LMO7: variants seen among roughly 807,000 people sequenced by gnomAD.
LMO7 encodes the protein LIM domain 7, also known as LIM domain only protein 7.
In LMO7, 120 loss-of-function variants were observed where a neutral mutation model predicts 206.5. The ratio of observed to expected loss-of-function variants is 0.58; its 90% confidence interval spans 0.50 to 0.68. LMO7 has a LOEUF of 0.68. LMO7 is among the 30% of genes least tolerant of loss of function. The pLI, the probability that LMO7 is intolerant of heterozygous loss-of-function variation, is 0.00. For missense variants in LMO7, 1,959 were observed against 1,957.9 expected (o/e 1.00, Z -0.01); for synonymous variants, 706 against 681.5 (o/e 1.04, Z -0.56).
intron 25 of LMO7, among the ~76,000 whole-genome samples, chr13:75,844,925 A>T (rs907808806): frequency 3.3e-5 from 5 of 152,220 alleles, no homozygotes; most frequent in African/African-American, 1.2e-4. Context: ...AGAAGTTGAC[A>T]TGATAACCCT....
Position 75,826,700 on chromosome 13 carries a change from G to T in LMO7, c.2949+2827G>T, listed in dbSNP as rs189934818. On this transcript the variant is annotated intron_variant, in intron 15 of 30. Coordinates refer to ENST00000377534, the MANE Select transcript of LMO7 (RefSeq NM_001306080.2). ...CAACAATCCGAATGTGGACTATCAT[G>T]ATTATACCTGTTTTAGAAACATAAA... Among the ~76,000 whole-genome samples the T allele has an allele frequency of 1.0e-3, 159 of 152,228 alleles. 3 individuals carry two copies. The East Asian group carries it at 0.025, about 24-fold the overall frequency.
intron 4 of LMO7, among the ~76,000 whole-genome samples, chr13:75,778,066 G>T (rs2140235729): frequency 6.6e-6 from 1 of 152,274 alleles, no homozygotes; most frequent in South Asian, 2.1e-4. Flanking sequence ...ATGGTATTAT[G>T]AGGACATTTT....
intron 1 of LMO7, among the ~76,000 whole-genome samples, chr13:75,645,207 A>G (rs1369750445): frequency 6.6e-6 from 1 of 152,190 alleles, no homozygotes; most frequent in Non-Finnish European, 1.5e-5. Context: ...TCAAAAATAC[A>G]TGTCATGTTT....
intron 3 of LMO7, among the ~76,000 whole-genome samples, chr13:75,757,712 A>G (rs751105795): frequency 1.3e-5 from 2 of 152,010 alleles, no homozygotes; most frequent in Non-Finnish European, 2.9e-5. Context: ...TTTAATTTGT[A>G]GTGTCTCCCT....
At chr13:75,766,331 T>C (rs537598893) in intron 4 of LMO7, among the ~76,000 whole-genome samples, 1 of 151,720 alleles carries the variant, frequency 6.6e-6, no homozygotes, top group Non-Finnish European at 1.5e-5. Context: ...TGGCCTGATT[T>C]AAGTGATTAT....
At chr13:75,713,752 C>T (rs2043306603) in intron 2 of LMO7, among the ~76,000 whole-genome samples, 1 of 152,118 alleles carries the variant, frequency 6.6e-6, no homozygotes, top group Non-Finnish European at 1.5e-5. Context: ...TTAATAGACA[C>T]CATTGAGAAC....
intron 1 of LMO7, among the ~76,000 whole-genome samples, chr13:75,648,470 T>C (rs1486401105): frequency 6.6e-6 from 1 of 152,196 alleles, no homozygotes; most frequent in Non-Finnish European, 1.5e-5. Context: ...TTCATTCATC[T>C]TCCTCTGTTT....
chr13:75,669,381 G>A (rs764183397), intron 1 of LMO7, among the ~76,000 whole-genome samples: 23 of 152,068 alleles, frequency 1.5e-4, no homozygotes, highest in African/African-American at 5.3e-4. Flanking sequence ...CCCCCCCGCC[G>A]CCCCGCCAAA....
At chr13:75,703,256 A>G (rs1409867787) in intron 1 of LMO7, among the ~76,000 whole-genome samples, 1 of 152,170 alleles carries the variant, frequency 6.6e-6, no homozygotes, top group African/African-American at 2.4e-5. Flanking sequence ...TAGGAAGAAT[A>G]ATTTGATTTA....
intron 1 of LMO7, among the ~76,000 whole-genome samples, chr13:75,704,812 C>G (rs2042535465): frequency 6.6e-6 from 1 of 152,168 alleles, no homozygotes; most frequent in Non-Finnish European, 1.5e-5. Flanking sequence ...GGCAAGAAAT[C>G]TTATCCAGCA....
At chr13:75,732,676 G>A (rs1027257675) in intron 3 of LMO7, among the ~76,000 whole-genome samples, 46 of 152,244 alleles carry the variant, frequency 3.0e-4, no homozygotes, top group Admixed American at 4.6e-4. Flanking sequence ...GAGGAACTGC[G>A]TTTCTTTGGA....
chr13:75,703,606 A>G (rs1044638617), intron 1 of LMO7, among the ~76,000 whole-genome samples: 52 of 152,210 alleles, frequency 3.4e-4, no homozygotes, highest in Non-Finnish European at 1.3e-4. Context: ...GTTGGCTGAC[A>G]TAACTCGGGT....
chr13:75,669,559 T>C (rs1455631225), intron 1 of LMO7, among the ~76,000 whole-genome samples: 1 of 152,084 alleles, frequency 6.6e-6, no homozygotes, highest in Non-Finnish European at 1.5e-5. Context: ...AGAGATTGCA[T>C]GATAGAGGGG....
At position 75,817,243 on chromosome 13, in the gene LMO7, T is replaced by A; in HGVS notation, c.2029T>A (p.Ser677Thr). The A allele has an allele frequency of 6.2e-7, 1 of 1,613,156 alleles. No homozygotes were observed. Among genetic ancestry groups the A allele is most frequent in the Non-Finnish European group, 8.5e-7 (1 of 1,179,358 alleles). The change falls in exon 12 of 31, where the codon TCA (serine) becomes ACA (threonine). Residue 677 changes from serine to threonine, a missense_variant. Coordinates refer to ENST00000377534, the MANE Select transcript of LMO7 (RefSeq NM_001306080.2). ...TTACGAGGAGATGCAGAAAATAAAA[T>A]CACAATTAAAAGAACAAGATCAGAA... ...LRYEEMQKIKSQLKEQDQKWQ... is the reference protein window; with the variant it reads ...LRYEEMQKIKTQLKEQDQKWQ...
intron 3 of LMO7, among the ~76,000 whole-genome samples, chr13:75,746,665 C>T (rs1052426479): frequency 2.6e-5 from 4 of 152,184 alleles, no homozygotes; most frequent in African/African-American, 9.6e-5. Flanking sequence ...ACGGGAGTTT[C>T]TGGCTTCCTT....
At position 75,769,065 on chromosome 13, in the gene LMO7, G is replaced by T. The variant is rs550949509; in HGVS notation, c.317+8027G>T. ...TGTACAATGAAATGTCAAGAAACTGGGAAGTATAATATTATGTCAAAATGC... is the reference window on the plus strand; with the variant it reads ...TGTACAATGAAATGTCAAGAAACTGTGAAGTATAATATTATGTCAAAATGC... On this transcript the variant is annotated intron_variant, in intron 4 of 30. Transcript: ENST00000377534. 3.3e-5 allele frequency among the ~76,000 whole-genome samples: 5 copies of T among 152,086 alleles called. 1 individual carries two copies. The South Asian group carries it at 1.0e-3, about 32-fold the overall frequency.
In LMO7 at chr13:75,800,672, C is replaced by A. The variant is rs767833069; in HGVS notation, c.463-12C>A. ...ATTTAACTTACTATTCTTTAAAAAA[C>A]GTTTTCTTTAGGCACTCGAAGACTC... On this transcript the variant is annotated splice_polypyrimidine_tract_variant and intron_variant, in intron 6 of 30. Coordinates refer to ENST00000377534, the MANE Select transcript of LMO7 (RefSeq NM_001306080.2). 8.9e-5 allele frequency: 143 copies of A among 1,611,270 alleles called. No individual in the cohort carries two copies. Among genetic ancestry groups the A allele is most frequent in the East Asian group, 2.2e-5 (1 of 44,862 alleles).
At chr13:75,838,458 A>G in intron 20 of LMO7, 1 of 666,132 alleles carries the variant, frequency 1.5e-6, no homozygotes, top group South Asian at 2.0e-5. Flanking sequence ...CTTTGTAAAA[A>G]AAAAAAAAAA....
At chr13:75,642,279 A>G (rs1276529987) in intron 1 of LMO7, among the ~76,000 whole-genome samples, 1 of 152,120 alleles carries the variant, frequency 6.6e-6, no homozygotes, top group African/African-American at 2.4e-5. Context: ...TCATAAAGTG[A>G]GGAAAAATAC....
Sources: gnomAD v4.1 joint callset for allele counts (sites outside exome capture counted in the v4.1 genomes callset) on GRCh38, gnomAD v4.1.1 for gene constraint, MANE v1.5 for transcripts, NCBI Gene and HGNC (gene_info 2026-07-23, HGNC 2026-07-21) for gene names.